The following CDON variants were observed in gnomAD, a reference collection of about 807,000 sequenced individuals.
The protein encoded by CDON is cell adhesion molecule-related/down-regulated by oncogenes.
Under a neutral mutation model 120.9 loss-of-function variants are expected in CDON, and 73 were observed. That is an observed-to-expected ratio of 0.60 (90% CI 0.50 to 0.73). The LOEUF (loss-of-function observed/expected upper bound fraction) is 0.73. Among genes scored for constraint, CDON ranks in the 30% least tolerant of loss-of-function variants. CDON has a pLI of 0.00. For missense variants in CDON, 1,470 were observed against 1,587.3 expected, an observed-to-expected ratio of 0.93 and a Z score of 1.26; for synonymous variants, 566 against 573.5, an observed-to-expected ratio of 0.99 and a Z score of 0.19.
At chr11:125,979,500 T>C (rs1027358640) in intron 17 of CDON, among the ~76,000 whole-genome samples, 2 of 152,158 alleles carry the variant, frequency 1.3e-5, no homozygotes, top group East Asian at 3.8e-4. Flanking sequence ...GTGCAATGAT[T>C]TTTAGGGTCA....
intron 1 of CDON, among the ~76,000 whole-genome samples, chr11:126,028,565 G>A (rs951575866): frequency 9.9e-5 from 15 of 151,802 alleles, no homozygotes; most frequent in African/African-American, 3.6e-4. Context: ...GTTTTGCCAT[G>A]TTGGCCAGGT....
At position 125,956,888 on chromosome 11, in the gene CDON, G is replaced by A. The variant is rs965695932; in HGVS notation, c.*4054C>T. On this transcript the variant is annotated 3_prime_UTR_variant, in exon 20 of 20. Coordinates refer to ENST00000531738, the MANE Select transcript of CDON (RefSeq NM_001378964.1). ...GGCTACCCTCAAAGCTCTCAGGACT[G>A]GGGCTAGGGTTTAAGGAAGGCTTAT... is the stretch of plus-strand genomic sequence containing the variant. The A allele has an allele frequency of 1.0e-6, 1 of 981,020 alleles. No individual in the cohort carries two copies. Among genetic ancestry groups the A allele is most frequent in the Non-Finnish European group, 1.2e-6 (1 of 825,938 alleles). The allele number at this position is 981,020 out of a possible 1,614,324, so 60.8% of individuals were successfully genotyped here.
intron 12 of CDON, among the ~76,000 whole-genome samples, chr11:125,995,299 A>G (rs1228095737): frequency 2.0e-5 from 3 of 152,188 alleles, no homozygotes; most frequent in Admixed American, 1.3e-4. Context: ...GTCACCAAGA[A>G]AGAGCACTGC....
At chr11:125,987,271 G>T (rs1407769900) in intron 15 of CDON, among the ~76,000 whole-genome samples, 1 of 152,150 alleles carries the variant, frequency 6.6e-6, no homozygotes, top group African/African-American at 2.4e-5. Context: ...AAAGAAAGGT[G>T]AGATGAAAAA....
At chr11:125,966,760 A>T (rs1945812231) in intron 18 of CDON, among the ~76,000 whole-genome samples, 1 of 152,222 alleles carries the variant, frequency 6.6e-6, no homozygotes. Context: ...GGGAACAACA[A>T]TAGCTGTACA....
chr11:125,981,637 T>C (rs941737701), intron 16 of CDON, among the ~76,000 whole-genome samples: 1 of 152,176 alleles, frequency 6.6e-6, no homozygotes, highest in African/African-American at 2.4e-5. Flanking sequence ...CTGAGTTAAT[T>C]ATGATTCTGT....
rs1016443309 is a variant in CDON at position 126,018,623 on chromosome 11, C to G, written c.497-150G>C. 4.2e-6 allele frequency: 3 copies of G among 718,514 alleles called. No individual in the cohort carries two copies. In the African/African-American group the frequency reaches 5.3e-5, roughly 13 times the overall value. The allele number at this position is 718,514 out of a possible 1,614,324, so 44.5% of individuals were successfully genotyped here. A position where few individuals can be genotyped will look rare whatever the true frequency, so the allele number is the denominator to read the frequency against. ...TCATTCTGTCACCCAGGCTGTAGTA[C>G]AGTGGCATAAGCATGGCTCGCTACA... On this transcript the variant is annotated intron_variant, in intron 4 of 19. Coordinates refer to ENST00000531738, the MANE Select transcript of CDON (RefSeq NM_001378964.1).
At chr11:125,980,602 C>T (rs369683268) in intron 17 of CDON, among the ~76,000 whole-genome samples, 1 of 152,192 alleles carries the variant, frequency 6.6e-6, no homozygotes, top group African/African-American at 2.4e-5. Flanking sequence ...TGTCAAACCG[C>T]GGCTGCTTCC....
rs756878197 is a variant in CDON, at chr11:126,015,454, C to A, written c.985G>T (p.Val329Leu). ...CCATGAACGTCGCAGGTAAAGTGTA[C>A]TGTGGCACCCAGAGACACTATCTGA... Reference protein sequence around the residue: ...QDQIVSLGATVHFTCDVHGNP... With the variant: ...QDQIVSLGATLHFTCDVHGNP... Residue 329 changes from valine to leucine, a missense_variant, in exon 7 of 20, where the codon GTA becomes TTA. Transcript: ENST00000531738. The A allele has an allele frequency of 1.2e-5, 19 of 1,613,756 alleles. No homozygotes were observed. The highest frequency in any genetic ancestry group is 1.5e-5 in the Non-Finnish European group (18 of 1,179,804).
chr11:126,038,972 C>T lies in CDON; in HGVS notation c.-61-15435G>A, dbSNP rs964668405. On this transcript the variant is annotated intron_variant, in intron 1 of 19. Coordinates refer to ENST00000531738, the MANE Select transcript of CDON (RefSeq NM_001378964.1). ...GCCAACAGTAGTACTAATAAAACATCAACAAAGCAGCTTTTATATAGACAG... is the reference window on the plus strand; with the variant it reads ...GCCAACAGTAGTACTAATAAAACATTAACAAAGCAGCTTTTATATAGACAG... 2.6e-5 allele frequency among the ~76,000 whole-genome samples: 4 copies of T among 152,302 alleles called. No individual in the cohort carries two copies. The East Asian group carries it at 7.7e-4, about 29-fold the overall frequency.
intron 1 of CDON, among the ~76,000 whole-genome samples, chr11:126,035,101 G>C (rs182729556): frequency 1.1e-4 from 16 of 152,278 alleles, no homozygotes; most frequent in African/African-American, 3.9e-4. Flanking sequence ...CTAAGTATAA[G>C]AGTTTCCCTG....
intron 18 of CDON, among the ~76,000 whole-genome samples, chr11:125,968,160 C>T (rs1021814875): frequency 2.0e-5 from 3 of 152,284 alleles, no homozygotes; most frequent in East Asian, 3.9e-4. Context: ...CAGTTCCCTA[C>T]AAAATATTAG....
chr11:126,053,232 A>C (rs1479880575), intron 1 of CDON, among the ~76,000 whole-genome samples: 2 of 152,230 alleles, frequency 1.3e-5, no homozygotes, highest in African/African-American at 4.8e-5. Context: ...AGTAAGATGC[A>C]CCCAGGAGGT....
chr11:126,018,284 G>T, intron 5 of CDON, 46 bp downstream of exon 5: 1 of 1,585,168 alleles, frequency 6.3e-7, no homozygotes, highest in Non-Finnish European at 8.7e-7. Flanking sequence ...AACTTTTTAT[G>T]AGGACTCTTC....
At chr11:125,996,699 CAAAAAAA>C (rs71048761) in intron 12 of CDON, among the ~76,000 whole-genome samples, 1 of 53,350 alleles carries the variant, frequency 1.9e-5, no homozygotes, top group Non-Finnish European at 3.2e-5. Flanking sequence ...GACTCCATCT[CAAAAAAA>C]AAAAAAAAAA....
At chr11:126,011,750 T>C (rs1235691136) in intron 7 of CDON, among the ~76,000 whole-genome samples, 1 of 152,252 alleles carries the variant, frequency 6.6e-6, no homozygotes. Flanking sequence ...ATGAGCCTTT[T>C]AAAATGTCTT....
chr11:126,054,197 G>GT (rs2134938024), intron 1 of CDON, among the ~76,000 whole-genome samples: 1 of 152,204 alleles, frequency 6.6e-6, no homozygotes, highest in South Asian at 2.1e-4. Context: ...TAAAAAGCCA[G>GT]TAACTGTCAG....
At chr11:126,041,767 A>G (rs1237576611) in intron 1 of CDON, among the ~76,000 whole-genome samples, 1 of 152,224 alleles carries the variant, frequency 6.6e-6, no homozygotes, top group East Asian at 1.9e-4. Flanking sequence ...ATATGTAAGG[A>G]AAGTCAATAC....
chr11:126,049,023 G>A (rs920000679), intron 1 of CDON, among the ~76,000 whole-genome samples: 5 of 152,042 alleles, frequency 3.3e-5, no homozygotes, highest in African/African-American at 4.8e-5. Context: ...GAGCCACCGC[G>A]CCCAGCCCAA....
Sources: allele counts gnomAD v4.1 joint callset (sites outside exome capture counted in the v4.1 genomes callset), GRCh38; gene constraint gnomAD v4.1.1; transcripts MANE v1.5; gene names NCBI Gene and HGNC (gene_info 2026-07-23, HGNC 2026-07-21).